Variants in PDE10A observed in about 807,000 individuals in gnomAD.
The protein encoded by PDE10A is cAMP and cAMP-inhibited cGMP 3',5'-cyclic phosphodiesterase 10A.
In PDE10A, 39 loss-of-function variants were observed where a neutral mutation model predicts 97.7. The ratio of observed to expected loss-of-function variants is 0.40; its 90% CI spans 0.31 to 0.52. The LOEUF (loss-of-function observed/expected upper bound fraction) is 0.52. PDE10A is among the 20% of genes least tolerant of loss of function. PDE10A has a pLI of 0.56. For synonymous variants in PDE10A, 371 were observed against 376.8 expected (o/e 0.98, Z 0.18); for missense variants, 731 against 1,047.8 (o/e 0.70, Z 4.17).
At chr6:165,771,047 G>T (rs1479581317) in intron 1 of PDE10A, among the ~76,000 whole-genome samples, 1 of 152,154 alleles carries the variant, frequency 6.6e-6, no homozygotes, top group African/African-American at 2.4e-5. Flanking sequence ...TGCAGGACTG[G>T]ATTTAGAGAA....
At chr6:165,803,577 T>C (rs547809338) in intron 1 of PDE10A, among the ~76,000 whole-genome samples, 7 of 152,352 alleles carry the variant, frequency 4.6e-5, no homozygotes, top group African/African-American at 1.7e-4. Context: ...CATCTTTCTG[T>C]GCCCAGCTTG....
intron 1 of PDE10A, among the ~76,000 whole-genome samples, chr6:165,710,575 C>T (rs931791004): frequency 6.6e-6 from 1 of 152,190 alleles, no homozygotes; most frequent in African/African-American, 2.4e-5. Context: ...AGAAAATTTG[C>T]TTCCAAAGTT....
chr6:165,790,253 A>G (rs1778610863), intron 1 of PDE10A, among the ~76,000 whole-genome samples: 1 of 152,230 alleles, frequency 6.6e-6, no homozygotes, highest in African/African-American at 2.4e-5. Flanking sequence ...ATTGATTTTC[A>G]TAATTATATT....
At chr6:165,548,410 C>T (rs1783846613) in intron 1 of PDE10A, among the ~76,000 whole-genome samples, 1 of 151,260 alleles carries the variant, frequency 6.6e-6, no homozygotes, top group African/African-American at 2.4e-5. Context: ...ATAATATTCC[C>T]TCCATCTCTT....
At chr6:165,449,911 A>C (rs1288856480) in intron 4 of PDE10A, among the ~76,000 whole-genome samples, 1 of 152,166 alleles carries the variant, frequency 6.6e-6, no homozygotes, top group African/African-American at 2.4e-5. Flanking sequence ...TAAAATGCTT[A>C]GTCTCTCTTT....
chr6:165,905,700 G>T (rs1408585215), intron 1 of PDE10A, among the ~76,000 whole-genome samples: 1 of 151,240 alleles, frequency 6.6e-6, no homozygotes, highest in Non-Finnish European at 1.5e-5. Context: ...AGCCTCCAAA[G>T]AATGAGAGTG....
intron 13 of PDE10A, among the ~76,000 whole-genome samples, chr6:165,410,724 C>T (rs1252104852): frequency 2.6e-5 from 4 of 151,800 alleles, no homozygotes; most frequent in African/African-American, 9.7e-5. Context: ...AGGACACATC[C>T]GCACGTGAAC....
intron 1 of PDE10A, among the ~76,000 whole-genome samples, chr6:165,593,018 T>A (rs541759015): frequency 6.6e-6 from 1 of 152,334 alleles, no homozygotes; most frequent in South Asian, 2.1e-4. Flanking sequence ...ATTGCGGCAC[T>A]GTTCACAATA....
intron 1 of PDE10A, among the ~76,000 whole-genome samples, chr6:165,689,829 G>T (rs774800762): frequency 3.4e-4 from 52 of 152,126 alleles, no homozygotes; most frequent in Non-Finnish European, 8.8e-5. Flanking sequence ...CCAGCCCATG[G>T]TACGAGCTCA....
At chr6:165,804,295 G>C (rs1779057395) in intron 1 of PDE10A, among the ~76,000 whole-genome samples, 1 of 152,178 alleles carries the variant, frequency 6.6e-6, no homozygotes, top group Non-Finnish European at 1.5e-5. Flanking sequence ...TCAAATTGTA[G>C]TATTTTCTTC....
chr6:165,896,121 C>T (rs933241529), intron 1 of PDE10A, among the ~76,000 whole-genome samples: 3 of 152,150 alleles, frequency 2.0e-5, no homozygotes, highest in Non-Finnish European at 4.4e-5. Context: ...GCTTTGATAA[C>T]CCTCTGGTGC....
At position 165,883,547 on chromosome 6, in the gene PDE10A, A is replaced by AT. The variant is rs1554335419; in HGVS notation, c.-615+103981_-615+103982insA. On this transcript the variant is annotated intron_variant, in intron 1 of 19. Transcript: ENST00000366882. ...AAATTGAGACTCCGTCTCAAAAAAA[A>AT]AAAAAATAAATAAAAATAAAAATAA... is the stretch of plus-strand genomic sequence containing the variant. Among the ~76,000 whole-genome samples, 93 of 73,240 alleles carry AT rather than the reference A, an allele frequency of 1.3e-3. 3 individuals are homozygous for AT. The highest frequency in any genetic ancestry group is 4.4e-3 in the African/African-American group (90 of 20,398). The allele number at this position is 73,240 out of a possible 152,430, so 48.0% of individuals were successfully genotyped here.
intron 1 of PDE10A, among the ~76,000 whole-genome samples, chr6:165,590,631 C>G (rs1184517812): frequency 6.6e-6 from 1 of 152,194 alleles, no homozygotes; most frequent in Non-Finnish European, 1.5e-5. Context: ...GTGGCTCACG[C>G]CTGTAATCTC....
intron 5 of PDE10A, among the ~76,000 whole-genome samples, chr6:165,447,590 G>T (rs781492523): frequency 2.0e-5 from 3 of 152,160 alleles, no homozygotes; most frequent in East Asian, 1.9e-4. Flanking sequence ...TTTTCTAAAA[G>T]AAATTACTTT....
chr6:165,919,840 T>TC (rs58326694), intron 1 of PDE10A, among the ~76,000 whole-genome samples: 72,595 of 152,022 alleles, frequency 0.48, 17,488 homozygotes, highest in African/African-American at 0.52. Flanking sequence ...AATACAAAGC[T>TC]CAGTGGAAGT....
chr6:165,411,045 C>G (rs1365887534), intron 13 of PDE10A, among the ~76,000 whole-genome samples: 1 of 109,398 alleles, frequency 9.1e-6, no homozygotes, highest in African/African-American at 4.4e-5. Flanking sequence ...CGAGACAGCG[C>G]CACTGCCCTC....
chr6:165,693,464 G>A (rs1791358174), intron 1 of PDE10A, among the ~76,000 whole-genome samples: 1 of 147,118 alleles, frequency 6.8e-6, no homozygotes, highest in African/African-American at 2.5e-5. Flanking sequence ...CCAGGAGGCA[G>A]AGGTTGCAGT....
In PDE10A at chr6:165,918,895, C is replaced by A. The variant is rs946917411; in HGVS notation, c.-615+68634G>T. On this transcript the variant is annotated intron_variant, in intron 1 of 19. Coordinates refer to the PDE10A transcript ENST00000366882. Reference sequence around the variant, plus strand: ...GATGTGTTTGCGACCTGTTGATGAGCTACAGAGGACTGTTTTTAATGGCAG... The same window carrying A: ...GATGTGTTTGCGACCTGTTGATGAGATACAGAGGACTGTTTTTAATGGCAG... Among the ~76,000 whole-genome samples the A allele has an allele frequency of 5.9e-5, 9 of 152,118 alleles. No homozygotes were observed. In the South Asian group the frequency reaches 6.2e-4, roughly 11 times the overall value.
rs1038496238 is a variant in PDE10A at position 165,327,818 on chromosome 6, A to G, written c.*5207T>C. 2 of 152,228 alleles carry G rather than the reference A, an allele frequency of 1.3e-5. No individual in the cohort carries two copies. Among genetic ancestry groups the G allele is most frequent in the African/African-American group, 4.8e-5 (2 of 41,470 alleles). The allele number at this position is 152,228 out of a possible 1,614,324, so 9.4% of individuals were successfully genotyped here. A position where few individuals can be genotyped will look rare whatever the true frequency, so the allele number is the denominator to read the frequency against. On this transcript the variant is annotated 3_prime_UTR_variant, in exon 22 of 22. Coordinates refer to ENST00000539869, the MANE Select transcript of PDE10A (RefSeq NM_001385079.1). ...TAGAGAGCCTATTAAAATTCTGGAC[A>G]CAGGTTCATTGACTCTACAAATCAG... is the stretch of plus-strand genomic sequence containing the variant.
Sources: gnomAD v4.1 joint callset for allele counts (sites outside exome capture counted in the v4.1 genomes callset) on GRCh38, gnomAD v4.1.1 for gene constraint, MANE v1.5 for transcripts, NCBI Gene and HGNC (gene_info 2026-07-23, HGNC 2026-07-21) for gene names.